The following GSE1 variants were observed in gnomAD, a reference collection of about 807,000 sequenced individuals.
The protein encoded by GSE1 is Gse1 coiled-coil protein, also known as genetic suppressor element 1.
A neutral mutation model predicts 112.6 loss-of-function variants in GSE1; 32 were observed. The observed-to-expected ratio is 0.28, with a 90% CI of 0.21 to 0.38. The LOEUF (loss-of-function observed/expected upper bound fraction) is 0.38, where lower values mean the gene tolerates loss of function less well. GSE1 is among the 10% of genes least tolerant of loss of function. GSE1 has a pLI of 1.00. For synonymous variants in GSE1, 1,115 were observed against 735.6 expected (o/e 1.52, Z -8.35); for missense variants, 2,348 against 1,699.2 (o/e 1.38, Z -6.71).
chr16:85,654,636 C>T (rs921376943), intron 4 of GSE1, among the ~76,000 whole-genome samples, 158 bp from the exon 5 acceptor site: 2 of 152,108 alleles, frequency 1.3e-5, no homozygotes, highest in Non-Finnish European at 2.9e-5. Flanking sequence ...AGTGGCAGCT[C>T]GCTCCCCCCG....
chr16:85,317,324 C>T (rs547850302), intron 1 of GSE1, among the ~76,000 whole-genome samples: 11 of 152,134 alleles, frequency 7.2e-5, no homozygotes, highest in Non-Finnish European at 1.2e-4. Flanking sequence ...TGTAGAACGT[C>T]GATAGCCCTC....
intron 1 of GSE1, among the ~76,000 whole-genome samples, chr16:85,200,578 C>G (rs1035179858): frequency 6.6e-6 from 1 of 152,080 alleles, no homozygotes; most frequent in African/African-American, 2.4e-5. Context: ...ACTCTTAACA[C>G]CGGATGACGT....
At chr16:85,214,458 C>T (rs1226032457) in intron 1 of GSE1, among the ~76,000 whole-genome samples, 1 of 152,180 alleles carries the variant, frequency 6.6e-6, no homozygotes, top group African/African-American at 2.4e-5. Flanking sequence ...AAGCGATGCG[C>T]AGGATGGTGG....
At chr16:85,349,730 G>T (rs1400009367) in intron 1 of GSE1, among the ~76,000 whole-genome samples, 2 of 152,166 alleles carry the variant, frequency 1.3e-5, no homozygotes, top group Non-Finnish European at 2.9e-5. Context: ...GTGTTGTCAG[G>T]ATGCTGGCGT....
intron 1 of GSE1, among the ~76,000 whole-genome samples, chr16:85,206,192 G>C (rs749349624): frequency 7.2e-5 from 10 of 139,140 alleles, no homozygotes; most frequent in Non-Finnish European, 1.1e-4. Flanking sequence ...GCACCCAGAT[G>C]GGGGGGGCGC....
At chr16:85,218,303 C>T (rs950673401) in intron 1 of GSE1, among the ~76,000 whole-genome samples, 4 of 152,152 alleles carry the variant, frequency 2.6e-5, no homozygotes, top group Non-Finnish European at 5.9e-5. Context: ...GGTTTGAGCC[C>T]CAAGTCCGTG....
chr16:85,195,853 T>A (rs1234502001), intron 1 of GSE1, among the ~76,000 whole-genome samples: 1 of 151,978 alleles, frequency 6.6e-6, no homozygotes. Context: ...ATAAAACAAA[T>A]CAAAGCCAGC....
chr16:85,241,948 C>G (rs144660440), intron 1 of GSE1, among the ~76,000 whole-genome samples: 1,954 of 152,152 alleles, frequency 0.013, 45 homozygotes, highest in African/African-American at 0.045. Flanking sequence ...GCTGGCCCCT[C>G]CGAAGCTGCT....
intron 1 of GSE1, among the ~76,000 whole-genome samples, chr16:85,626,312 G>A (rs1419980718): frequency 1.3e-5 from 2 of 152,164 alleles, no homozygotes; most frequent in Non-Finnish European, 2.9e-5. Context: ...TCATGAAGCC[G>A]CCCAGGCTCC....
intron 1 of GSE1, among the ~76,000 whole-genome samples, chr16:85,224,827 A>C (rs2075455416): frequency 6.9e-6 from 1 of 144,716 alleles, no homozygotes; most frequent in African/African-American, 2.6e-5. Flanking sequence ...GTCTCTACTA[A>C]AAATACAAAA....
chr16:85,335,325 G>A (rs543032675), intron 1 of GSE1, among the ~76,000 whole-genome samples: 52 of 152,402 alleles, frequency 3.4e-4, no homozygotes, highest in African/African-American at 1.2e-3. Context: ...CCCCGGGCCC[G>A]GGTGGAGGGC....
chr16:85,329,373 T>A (rs1018280360), intron 1 of GSE1, among the ~76,000 whole-genome samples: 4 of 151,924 alleles, frequency 2.6e-5, no homozygotes, highest in African/African-American at 9.7e-5. Flanking sequence ...GGGGAAGACA[T>A]AGGGCGGGTG....
intron 2 of GSE1, among the ~76,000 whole-genome samples, chr16:85,417,933 G>A (rs1201395724): frequency 2.6e-5 from 4 of 152,194 alleles, no homozygotes; most frequent in East Asian, 1.9e-4. Context: ...TCCGCCTCCC[G>A]AGTTCAAGCG....
intron 1 of GSE1, among the ~76,000 whole-genome samples, chr16:85,291,277 C>T (rs1037210747): frequency 5.3e-5 from 8 of 152,168 alleles, no homozygotes; most frequent in South Asian, 2.1e-4. Flanking sequence ...AGCCAGGCGT[C>T]CCTCCTCACC....
At chr16:85,631,373 C>T (rs61995937) in intron 1 of GSE1, among the ~76,000 whole-genome samples, 4,322 of 152,326 alleles carry the variant, frequency 0.028, 224 homozygotes, top group African/African-American at 0.1. Context: ...CACCTTTTCC[C>T]GGCCACCGGC....
chr16:85,484,735 C>T (rs1445199181), intron 2 of GSE1, among the ~76,000 whole-genome samples: 1 of 152,248 alleles, frequency 6.6e-6, no homozygotes, highest in Non-Finnish European at 1.5e-5. Flanking sequence ...AACCAGGGCC[C>T]TGGCACAGAG....
At chr16:85,522,727 G>A (rs1334867672) in intron 2 of GSE1, among the ~76,000 whole-genome samples, 3 of 152,170 alleles carry the variant, frequency 2.0e-5, no homozygotes, top group Non-Finnish European at 4.4e-5. Flanking sequence ...GTTGCGCAGA[G>A]TGTTGGAGTT....
chr16:85,429,948 C>T (rs2049080464), intron 2 of GSE1, among the ~76,000 whole-genome samples: 1 of 152,232 alleles, frequency 6.6e-6, no homozygotes, highest in Admixed American at 6.5e-5. Flanking sequence ...GTGCAGTTCC[C>T]AGGACTGTGA....
At chr16:85,589,946 TGTG>T (rs1355934956) in intron 1 of GSE1, among the ~76,000 whole-genome samples, 7 of 151,934 alleles carry the variant, frequency 4.6e-5, no homozygotes, top group African/African-American at 9.7e-5. Flanking sequence ...TGTGTGACAT[TGTG>T]GGAATGTGAG....
Sources: allele counts gnomAD v4.1 joint callset (sites outside exome capture counted in the v4.1 genomes callset), GRCh38; gene constraint gnomAD v4.1.1; transcripts MANE v1.5; gene names NCBI Gene and HGNC (gene_info 2026-07-23, HGNC 2026-07-21).